TEX264: variants seen among roughly 807,000 people sequenced by gnomAD.
TEX264 encodes testis-expressed protein 264.
TEX264 carries 13 observed loss-of-function variants against 23.4 expected under a neutral mutation model. The ratio of observed to expected loss-of-function variants is 0.56; its 90% CI spans 0.36 to 0.88. The LOEUF (loss-of-function observed/expected upper bound fraction) is 0.88. Among genes scored for constraint, TEX264 ranks in the 40% least tolerant of loss-of-function variants. TEX264 has a pLI of 0.01. For missense variants in TEX264, 340 were observed against 406.8 expected (o/e 0.84, Z 1.41); for synonymous variants, 159 against 170.0 (o/e 0.94, Z 0.50).
chr3:51,684,361 T>A, intron 2 of TEX264, 52 bp from the exon 3 acceptor site: 9 of 1,539,828 alleles, frequency 5.8e-6, no homozygotes, highest in Non-Finnish European at 7.2e-6. Context: ...GAAGGAGGTC[T>A]GAGGGCCTCC....
chr3:51,696,500 C>T (rs556974560), intron 3 of TEX264, among the ~76,000 whole-genome samples: 3 of 152,346 alleles, frequency 2.0e-5, no homozygotes, highest in Middle Eastern at 3.4e-3. Context: ...CCCATGGTCA[C>T]CCTGTCTTCC....
At chr3:51,701,658 GT>G (rs1703309682) in intron 4 of TEX264, among the ~76,000 whole-genome samples, 2 of 151,908 alleles carry the variant, frequency 1.3e-5, no homozygotes, top group Non-Finnish European at 2.9e-5. Flanking sequence ...TTTAAAGACA[GT>G]TTTCCTTTTT....
chr3:51,704,018 C>G lies in TEX264; in HGVS notation c.*2C>G. On this transcript the variant is annotated 3_prime_UTR_variant, in exon 5 of 5. Coordinates refer to ENST00000341333, the MANE Select transcript of TEX264 (RefSeq NM_015926.6). Reference sequence around the variant, plus strand: ...GCCCCTGAGAAGGGCAAGGAGTAACCCATGGCCTGCACCCTCCTGCAGTGC... The same window carrying G: ...GCCCCTGAGAAGGGCAAGGAGTAACGCATGGCCTGCACCCTCCTGCAGTGC... 1 of 1,508,522 alleles carries G rather than the reference C, an allele frequency of 6.6e-7. No homozygotes were observed. The highest frequency in any genetic ancestry group is 8.9e-7 in the Non-Finnish European group (1 of 1,129,452). 93.4% of individuals were successfully genotyped at this position (1,508,522 alleles called of 1,614,324 possible). A position where few individuals can be genotyped will look rare whatever the true frequency, so the allele number is the denominator to read the frequency against.
chr3:51,688,601 G>A (rs1178100289), intron 3 of TEX264, among the ~76,000 whole-genome samples: 5 of 152,166 alleles, frequency 3.3e-5, no homozygotes, highest in African/African-American at 1.2e-4. Context: ...AAAATGGTTT[G>A]AGCCTCCTCT....
chr3:51,696,253 G>T (rs577546843), intron 3 of TEX264, among the ~76,000 whole-genome samples: 1 of 152,240 alleles, frequency 6.6e-6, no homozygotes, highest in South Asian at 2.1e-4. Context: ...AAGGGGATGT[G>T]CCAGGGCTAG....
At chr3:51,688,225 G>T (rs1702696730) in intron 3 of TEX264, among the ~76,000 whole-genome samples, 1 of 152,240 alleles carries the variant, frequency 6.6e-6, no homozygotes, top group Admixed American at 6.5e-5. Context: ...ATGGAACAGA[G>T]CTTGCTTGAA....
At chr3:51,674,002 C>T (rs1702144020) in intron 1 of TEX264, among the ~76,000 whole-genome samples, 1 of 152,174 alleles carries the variant, frequency 6.6e-6, no homozygotes, top group South Asian at 2.1e-4. Flanking sequence ...TCAGTTTCCC[C>T]AGGTGTGACC....
chr3:51,703,588 A>G lies in TEX264; in HGVS notation c.650-136A>G. The G allele has an allele frequency of 4.6e-6, 3 of 657,774 alleles. No individual in the cohort carries two copies. The highest frequency in any genetic ancestry group is 5.4e-5 in the Admixed American group (2 of 37,020). The allele number at this position is 657,774 out of a possible 1,614,324, so 40.7% of individuals were successfully genotyped here. A position where few individuals can be genotyped will look rare whatever the true frequency, so the allele number is the denominator to read the frequency against. On this transcript the variant is annotated intron_variant, in intron 4 of 4. Transcript: ENST00000341333. This position sits in a 1 kb window ranked among gnomAD's most constrained non-coding sequence, Gnocchi z 4.8. ...TGCAGCCCCAGTCAGGGTAGAGGGC[A>G]GAGGGCAGCTGGAGCAAGCCCCCTG...
At chr3:51,697,150 A>G (rs1703092996) in intron 3 of TEX264, among the ~76,000 whole-genome samples, 1 of 152,258 alleles carries the variant, frequency 6.6e-6, no homozygotes, top group Admixed American at 6.5e-5. Flanking sequence ...GTCCACAGCC[A>G]GGCAACTTCA....
At position 51,703,721 on chromosome 3, in the gene TEX264, T is replaced by C; in HGVS notation, c.650-3T>C. 1 of 1,579,498 alleles carries C rather than the reference T, an allele frequency of 6.3e-7. No homozygotes were observed. The highest frequency in any genetic ancestry group is 1.1e-5 in the South Asian group (1 of 87,668). ...AACCTGTGCTCCCTTTTCCTGGTCA[T>C]AGGAGCTGACACAATGAGTGACACG... On this transcript the variant is annotated splice_polypyrimidine_tract_variant and splice_region_variant and intron_variant, in intron 4 of 4. Transcript: ENST00000341333. The surrounding 1 kb of genome is among the most constrained non-coding windows in gnomAD (Gnocchi z 4.8).
At chr3:51,688,581 G>A (rs1702708628) in intron 3 of TEX264, among the ~76,000 whole-genome samples, 1 of 152,186 alleles carries the variant, frequency 6.6e-6, no homozygotes, top group African/African-American at 2.4e-5. Flanking sequence ...TTTAGGGGGA[G>A]GGTCTTTGTA....
At chr3:51,674,774 G>A (rs1702177041) in intron 2 of TEX264, among the ~76,000 whole-genome samples, 1 of 152,210 alleles carries the variant, frequency 6.6e-6, no homozygotes, top group African/African-American at 2.4e-5. Flanking sequence ...GCCCAGGTCT[G>A]GTTCCCCTTG....
intron 3 of TEX264, among the ~76,000 whole-genome samples, chr3:51,695,006 G>A (rs1319361212): frequency 2.0e-5 from 3 of 152,266 alleles, no homozygotes; most frequent in Non-Finnish European, 4.4e-5. Context: ...ATGAAGACCA[G>A]CTGCCTGAGG....
At chr3:51,679,057 C>T (rs1002363910) in intron 2 of TEX264, among the ~76,000 whole-genome samples, 10 of 152,190 alleles carry the variant, frequency 6.6e-5, no homozygotes, top group African/African-American at 2.4e-4. Flanking sequence ...TCTCTGCCCA[C>T]TAGAACTGTC....
chr3:51,678,679 A>C (rs1327862254), intron 2 of TEX264, among the ~76,000 whole-genome samples: 1 of 152,196 alleles, frequency 6.6e-6, no homozygotes, highest in African/African-American at 2.4e-5. Flanking sequence ...ACCAAGGCCC[A>C]GGGCCACTAG....
In TEX264 at chr3:51,680,381, G is replaced by A. The variant is rs561753427; in HGVS notation, c.259-4032G>A. Among the ~76,000 whole-genome samples the A allele has an allele frequency of 4.6e-5, 7 of 152,294 alleles. No individual in the cohort carries two copies. In the South Asian group the frequency reaches 8.3e-4, roughly 18 times the overall value. ...CGCTATAGCCTCACACAATAGGGTC[G>A]GCAGGGCACTGTGACACCACTCAGG... is the stretch of plus-strand genomic sequence containing the variant. On this transcript the variant is annotated intron_variant, in intron 2 of 4. Transcript: ENST00000341333.
intron 4 of TEX264, among the ~76,000 whole-genome samples, chr3:51,700,674 TC>T (rs1703260354): frequency 1.4e-5 from 2 of 147,676 alleles, no homozygotes; most frequent in Admixed American, 6.7e-5. Context: ...TGCCTCCCCC[TC>T]CTTGACCCAC....
chr3:51,701,237 A>T (rs1156473102), intron 4 of TEX264, among the ~76,000 whole-genome samples: 1 of 151,300 alleles, frequency 6.6e-6, no homozygotes, highest in Non-Finnish European at 1.5e-5. Flanking sequence ...TCTTCTGCCC[A>T]GGGATGCAGG....
At chr3:51,679,666 A>G (rs1354734081) in intron 2 of TEX264, among the ~76,000 whole-genome samples, 1 of 152,202 alleles carries the variant, frequency 6.6e-6, no homozygotes, top group African/African-American at 2.4e-5. Context: ...TAATGAGCTT[A>G]TGCTTGGAAG....
Sources: allele counts gnomAD v4.1 joint callset (sites outside exome capture counted in the v4.1 genomes callset), GRCh38; gene constraint gnomAD v4.1.1; non-coding constraint Gnocchi (gnomAD v3.1); transcripts MANE v1.5; gene names NCBI Gene and HGNC (gene_info 2026-07-23, HGNC 2026-07-21).